Variants in NPSR1 observed in about 807,000 individuals in gnomAD.
NPSR1 encodes the protein neuropeptide S receptor.
Under a neutral mutation model 46.9 loss-of-function variants are expected in NPSR1, and 48 were observed. The ratio of observed to expected loss-of-function variants is 1.02; its 90% CI spans 0.81 to 1.30. NPSR1 has a LOEUF of 1.30. Ranked by LOEUF, NPSR1 falls within the 50% of genes most tolerant of loss-of-function variation. NPSR1 has a pLI of 0.00. For synonymous variants in NPSR1, 176 were observed against 168.1 expected, an observed-to-expected ratio of 1.05 and a Z score of -0.36; for missense variants, 450 against 449.5, an observed-to-expected ratio of 1.00 and a Z score of -0.01.
At chr7:34,747,251 T>A (rs1785251138) in intron 2 of NPSR1, among the ~76,000 whole-genome samples, 1 of 151,728 alleles carries the variant, frequency 6.6e-6, no homozygotes, top group African/African-American at 2.4e-5. Flanking sequence ...AGCAAGGGCA[T>A]CTGTAACCCA....
intron 2 of NPSR1, among the ~76,000 whole-genome samples, chr7:34,723,761 C>T (rs1459890628): frequency 2.0e-5 from 3 of 152,252 alleles, no homozygotes; most frequent in Admixed American, 1.3e-4. Flanking sequence ...TTCATCTCAG[C>T]CTCCGGAGCA....
chr7:34,790,708 TTA>T (rs1309738253), intron 3 of NPSR1, among the ~76,000 whole-genome samples: 1 of 140,302 alleles, frequency 7.1e-6, no homozygotes, highest in Admixed American at 7.3e-5. Context: ...ATGTTCTATG[TTA>T]TATATAATAT....
chr7:34,877,553 A>G (rs1791606534), intron 8 of NPSR1, among the ~76,000 whole-genome samples: 2 of 152,228 alleles, frequency 1.3e-5, no homozygotes, highest in Non-Finnish European at 1.5e-5. Flanking sequence ...GTGCCCAGGT[A>G]GCAGACTACA....
At chr7:34,821,646 T>C (rs1789564988) in intron 4 of NPSR1, among the ~76,000 whole-genome samples, 1 of 152,194 alleles carries the variant, frequency 6.6e-6, no homozygotes, top group Non-Finnish European at 1.5e-5. Context: ...ATGAATTACA[T>C]GTTTCACCAT....
chr7:34,721,688 T>A (rs1185651157), intron 2 of NPSR1, among the ~76,000 whole-genome samples: 1 of 152,210 alleles, frequency 6.6e-6, no homozygotes, highest in African/African-American at 2.4e-5. Context: ...CAAAACATCA[T>A]GGAAAAACAT....
At chr7:34,778,613 A>G (rs773571666) in intron 3 of NPSR1, 48 bp downstream of exon 3, 2 of 1,195,402 alleles carry the variant, frequency 1.7e-6, no homozygotes, top group Non-Finnish European at 2.5e-6. Flanking sequence ...TACCAGAGTT[A>G]GCTTTTAGAT....
intron 6 of NPSR1, among the ~76,000 whole-genome samples, chr7:34,838,465 C>A (rs1289097445): frequency 6.6e-6 from 1 of 152,182 alleles, no homozygotes; most frequent in Non-Finnish European, 1.5e-5. Flanking sequence ...GTAAAAGGAA[C>A]ACAGTTGATT....
intron 2 of NPSR1, among the ~76,000 whole-genome samples, chr7:34,761,938 C>T (rs1786193506): frequency 6.6e-6 from 1 of 152,130 alleles, no homozygotes; most frequent in African/African-American, 2.4e-5. Context: ...ATTGCTGAAC[C>T]TGATGCTTGT....
intron 2 of NPSR1, among the ~76,000 whole-genome samples, chr7:34,748,287 G>T (rs1785316196): frequency 1.3e-5 from 2 of 152,204 alleles, no homozygotes. Flanking sequence ...TCAAACCTCT[G>T]TGAAGCTGCT....
intron 2 of NPSR1, among the ~76,000 whole-genome samples, chr7:34,689,631 A>AAAAAG (rs1793139343): frequency 1.4e-5 from 2 of 145,412 alleles, no homozygotes; most frequent in Admixed American, 1.4e-4. Flanking sequence ...AAAAAAAAAA[A>AAAAAG]AAAGAAAAGA....
At chr7:34,849,310 A>C in intron 8 of NPSR1, 1 of 1,522,158 alleles carries the variant, frequency 6.6e-7, no homozygotes, top group Non-Finnish European at 8.9e-7. Flanking sequence ...CAGCTTCTTC[A>C]TCTGTAAAAC....
At chr7:34,784,713 G>A (rs542832709) in intron 3 of NPSR1, among the ~76,000 whole-genome samples, 3 of 152,230 alleles carry the variant, frequency 2.0e-5, no homozygotes, top group African/African-American at 7.2e-5. Flanking sequence ...ATGAGTTAGG[G>A]AGGATTCCCT....
At chr7:34,769,476 C>A (rs1786578896) in intron 2 of NPSR1, among the ~76,000 whole-genome samples, 1 of 152,102 alleles carries the variant, frequency 6.6e-6, no homozygotes, top group Non-Finnish European at 1.5e-5. Flanking sequence ...CATGTGAGAC[C>A]CAGAAGTCTG....
intron 2 of NPSR1, among the ~76,000 whole-genome samples, chr7:34,774,131 C>G (rs749824822): frequency 2.0e-5 from 3 of 152,328 alleles, no homozygotes; most frequent in East Asian, 3.9e-4. Flanking sequence ...ATTGGGAAGA[C>G]CTTCCTTCTC....
chr7:34,810,926 AG>A (rs1788950907), intron 3 of NPSR1, among the ~76,000 whole-genome samples: 1 of 152,168 alleles, frequency 6.6e-6, no homozygotes, highest in Non-Finnish European at 1.5e-5. Context: ...GACATGGGAC[AG>A]GGGTATGGCT....
intron 4 of NPSR1, among the ~76,000 whole-genome samples, chr7:34,825,020 T>C (rs1164834394): frequency 6.6e-6 from 1 of 152,170 alleles, no homozygotes; most frequent in Non-Finnish European, 1.5e-5. Flanking sequence ...AAACTCCTAA[T>C]GGGAGGCTCC....
chr7:34,791,880 C>A (rs958932319), intron 3 of NPSR1, among the ~76,000 whole-genome samples: 6 of 151,904 alleles, frequency 3.9e-5, no homozygotes, highest in African/African-American at 1.2e-4. Context: ...AATAAAGAAG[C>A]CAGAAATAAA....
chr7:34,747,388 T>C (rs1785260853), intron 2 of NPSR1, among the ~76,000 whole-genome samples: 1 of 152,122 alleles, frequency 6.6e-6, no homozygotes, highest in Non-Finnish European at 1.5e-5. Context: ...CAGCCACTTG[T>C]GGGTCTCTGC....
intron 2 of NPSR1, among the ~76,000 whole-genome samples, chr7:34,730,447 T>C (rs774985710): frequency 2.0e-5 from 3 of 152,206 alleles, no homozygotes; most frequent in Non-Finnish European, 2.9e-5. Context: ...TTGGGGTCTT[T>C]ATAACTTTGG....
Sources: allele counts gnomAD v4.1 joint callset (sites outside exome capture counted in the v4.1 genomes callset), GRCh38; gene constraint gnomAD v4.1.1; transcripts MANE v1.5; gene names NCBI Gene and HGNC (gene_info 2026-07-23, HGNC 2026-07-21).